MTARC2: variants seen among roughly 807,000 people sequenced by gnomAD.
MTARC2 encodes the protein mitochondrial amidoxime reducing component 2, also known as MOCO sulphurase C-terminal domain containing 2.
MTARC2 carries 27 observed loss-of-function variants against 35.6 expected under a neutral mutation model. The observed-to-expected ratio is 0.76, with a 90% confidence interval of 0.56 to 1.04. MTARC2 has a LOEUF of 1.04. Among genes scored for constraint, MTARC2 ranks in the 50% least tolerant of loss-of-function variants. The pLI, the probability that MTARC2 is intolerant of heterozygous loss-of-function variation, is 0.00. For synonymous variants in MTARC2, 158 were observed against 167.1 expected (o/e 0.95, Z 0.42); for missense variants, 412 against 432.5 (o/e 0.95, Z 0.42).
At chr1:220,762,884 C>T in intron 3 of MTARC2, 26 bp from the exon 4 acceptor site, 1 of 1,613,442 alleles carries the variant, frequency 6.2e-7, no homozygotes, top group Non-Finnish European at 8.5e-7. Context: ...AGTGGTGGGG[C>T]CTGACTATCC....
At chr1:220,762,590 T>G (rs1399915696) in intron 3 of MTARC2, among the ~76,000 whole-genome samples, 5 of 152,180 alleles carry the variant, frequency 3.3e-5, no homozygotes, top group Non-Finnish European at 5.9e-5. Context: ...TATAGCTGAT[T>G]GGCAGCAGGT....
intron 2 of MTARC2, among the ~76,000 whole-genome samples, chr1:220,758,832 TGTGTGTGTGTGTGTGTGTCTGG>T (rs1156635488): frequency 1.6e-5 from 2 of 122,674 alleles, no homozygotes. Context: ...TGTGAAAATA[TGTGTGTGTGTGTGTGTGTCTGG>T]GTGTGTGTGT....
chr1:220,776,044 G>A (rs1156574489), intron 4 of MTARC2, among the ~76,000 whole-genome samples: 2 of 152,212 alleles, frequency 1.3e-5, no homozygotes, highest in South Asian at 2.1e-4. Flanking sequence ...TATATACCCA[G>A]TAATGGGATT....
Position 220,763,029 on chromosome 1 carries a change from C to A in MTARC2, c.729C>A (p.Thr243=), listed in dbSNP as rs376827992. 1.2e-6 allele frequency: 2 copies of A among 1,613,940 alleles called. No individual in the cohort carries two copies. The highest frequency in any genetic ancestry group is 1.7e-6 in the Non-Finnish European group (2 of 1,180,022). Residue 243 remains threonine, a synonymous_variant, in exon 4 of 8, where the codon ACC becomes ACA. Transcript: ENST00000366913. The part of the protein sequence containing the change: ...MENFRPNIVV[T]GCDAFEEDTW... ...ATTTCAGGCCAAATATTGTGGTGACCGGCTGTGATGCTTTTGAGGAGGTAA... is the reference window on the plus strand; with the variant it reads ...ATTTCAGGCCAAATATTGTGGTGACAGGCTGTGATGCTTTTGAGGAGGTAA...
At chr1:220,771,535 G>A (rs1388563922) in intron 4 of MTARC2, among the ~76,000 whole-genome samples, 2 of 152,274 alleles carry the variant, frequency 1.3e-5, no homozygotes, top group East Asian at 1.9e-4. Context: ...GTTCAAACAT[G>A]GGGTCATGAG....
Position 220,748,456 on chromosome 1 carries a change from T to TA in MTARC2, c.-74dup, listed in dbSNP as rs1161644363. 4.5e-5 allele frequency: 59 copies of TA among 1,317,538 alleles called. No homozygotes were observed. Among genetic ancestry groups the TA allele is most frequent in the Admixed American group, 2.1e-4 (5 of 24,064 alleles). The allele number at this position is 1,317,538 out of a possible 1,614,324, so 81.6% of individuals were successfully genotyped here. A position where few individuals can be genotyped will look rare whatever the true frequency, so the allele number is the denominator to read the frequency against. ...GACTCCTCTCGCCTGCCCGGATCCTTAAGGGCCTCCTCGTCCTCCCGGTCT... is the reference window on the plus strand; with the variant it reads ...GACTCCTCTCGCCTGCCCGGATCCTTAAAGGGCCTCCTCGTCCTCCCGGTCT... On this transcript the variant is annotated 5_prime_UTR_variant, in exon 1 of 8. Transcript: ENST00000366913.
Position 220,758,820 on chromosome 1 carries a change from G to T in MTARC2, c.447-2838G>T, listed in dbSNP as rs114652546. Among the ~76,000 whole-genome samples, 1,264 of 146,974 alleles carry T rather than the reference G, an allele frequency of 8.6e-3. 23 individuals carry two copies. Among genetic ancestry groups the T allele is most frequent in the African/African-American group, 0.031 (1,169 of 38,224 alleles). The stretch of plus-strand genomic sequence containing the variant: ...TTTGTGGTTCAATTTACAGAAAATT[G>T]ATGTGAAAATATGTGTGTGTGTGTG... On this transcript the variant is annotated intron_variant, in intron 2 of 7. Transcript: ENST00000366913.
Position 220,781,919 on chromosome 1 carries a change from A to G in MTARC2, c.*18A>G. ...TGGTGTAGTGATGAGTGATGGATCC[A>G]CTAGGGTGATATGGTAAAGGGTCAG... On this transcript the variant is annotated 3_prime_UTR_variant, in exon 7 of 8. Coordinates refer to ENST00000366913, the MANE Select transcript of MTARC2 (RefSeq NM_017898.5). 6.2e-7 allele frequency: 1 copy of G among 1,612,840 alleles called. No individual in the cohort carries two copies. Among genetic ancestry groups the G allele is most frequent in the Non-Finnish European group, 8.5e-7 (1 of 1,179,198 alleles).
At chr1:220,771,064 C>T (rs1042402331) in intron 4 of MTARC2, among the ~76,000 whole-genome samples, 45 of 152,022 alleles carry the variant, frequency 3.0e-4, no homozygotes, top group Non-Finnish European at 5.9e-5. Context: ...TTTGGGAGGC[C>T]GAGCCAGTCG....
At chr1:220,777,736 A>C (rs1178614759) in intron 4 of MTARC2, among the ~76,000 whole-genome samples, 1 of 152,142 alleles carries the variant, frequency 6.6e-6, no homozygotes, top group Non-Finnish European at 1.5e-5. Flanking sequence ...GATAAAGAAT[A>C]CAGATGGCCT....
chr1:220,774,754 G>A (rs1029517400), intron 4 of MTARC2, among the ~76,000 whole-genome samples: 5 of 152,140 alleles, frequency 3.3e-5, no homozygotes, highest in Admixed American at 2.0e-4. Context: ...CACTCTCAGC[G>A]GTCTTATACT....
chr1:220,773,829 A>G (rs1671813051), intron 4 of MTARC2, among the ~76,000 whole-genome samples: 1 of 152,216 alleles, frequency 6.6e-6, no homozygotes. Context: ...AAAGAAAAAA[A>G]TTAAGATTTA....
At chr1:220,757,339 C>T (rs182198260) in intron 2 of MTARC2, among the ~76,000 whole-genome samples, 1 of 152,352 alleles carries the variant, frequency 6.6e-6, no homozygotes, top group East Asian at 1.9e-4. Context: ...GAGGTGTAGT[C>T]AGCGCACTGC....
At chr1:220,771,013 G>GAACA (rs1671729688) in intron 4 of MTARC2, among the ~76,000 whole-genome samples, 1 of 152,160 alleles carries the variant, frequency 6.6e-6, no homozygotes, top group East Asian at 1.9e-4. Context: ...AAAAGCCTTA[G>GAACA]GCAGTCCAGG....
rs74452321 is a variant in MTARC2 at position 220,771,571 on chromosome 1, G to A, written c.751-8447G>A. Among the ~76,000 whole-genome samples, 1,136 of 152,238 alleles carry A rather than the reference G, an allele frequency of 7.5e-3. 19 individuals are homozygous for A. The highest frequency in any genetic ancestry group is 0.026 in the African/African-American group (1,077 of 41,530). On this transcript the variant is annotated intron_variant, in intron 4 of 7. Coordinates refer to ENST00000366913, the MANE Select transcript of MTARC2 (RefSeq NM_017898.5). ...AAAGCCCAGGGAGTCTGGAACCAGG[G>A]CTGTGGAAAACATTTTAGTGATTAA...
intron 4 of MTARC2, among the ~76,000 whole-genome samples, chr1:220,778,603 G>C (rs1288681271): frequency 2.0e-5 from 3 of 152,158 alleles, no homozygotes; most frequent in Non-Finnish European, 2.9e-5. Flanking sequence ...GAGATTTGGT[G>C]GGGACACAGA....
At chr1:220,756,793 C>T (rs1671292704) in intron 2 of MTARC2, among the ~76,000 whole-genome samples, 1 of 152,188 alleles carries the variant, frequency 6.6e-6, no homozygotes, top group Non-Finnish European at 1.5e-5. Flanking sequence ...GCTAAATAGG[C>T]AGAAATCTAG....
chr1:220,769,109 C>G (rs1356488783), intron 4 of MTARC2, among the ~76,000 whole-genome samples: 1 of 152,180 alleles, frequency 6.6e-6, no homozygotes, highest in Non-Finnish European at 1.5e-5. Context: ...TCTACATTTG[C>G]TTTTTTGATT....
intron 4 of MTARC2, among the ~76,000 whole-genome samples, chr1:220,778,043 G>C (rs1045347023): frequency 3.3e-5 from 5 of 152,066 alleles, no homozygotes; most frequent in African/African-American, 1.2e-4. Context: ...AGGAGTTCAA[G>C]ACCAGCCTGG....
Sources: gnomAD v4.1 joint callset for allele counts (sites outside exome capture counted in the v4.1 genomes callset) on GRCh38, gnomAD v4.1.1 for gene constraint, MANE v1.5 for transcripts, NCBI Gene and HGNC (gene_info 2026-07-23, HGNC 2026-07-21) for gene names.